Variants in SMYD3 observed in about 807,000 individuals in gnomAD.
SMYD3 encodes the protein histone-lysine N-methyltransferase SMYD3.
A neutral mutation model predicts 57.7 loss-of-function variants in SMYD3; 36 were observed. The observed-to-expected ratio is 0.62, with a 90% CI of 0.48 to 0.82. The LOEUF is 0.82. SMYD3 is among the 40% of genes least tolerant of loss of function. The pLI is 0.00. For missense variants in SMYD3, 515 were observed against 538.8 expected (o/e 0.96, Z 0.44); for synonymous variants, 211 against 195.0 (o/e 1.08, Z -0.68).
chr1:246,420,657 T>G (rs893691389), intron 1 of SMYD3, among the ~76,000 whole-genome samples: 6 of 152,268 alleles, frequency 3.9e-5, no homozygotes, highest in Non-Finnish European at 7.3e-5. Context: ...CAAAAATATC[T>G]GATCTTTGGC....
chr1:246,177,114 A>C (rs922876706), intron 5 of SMYD3, among the ~76,000 whole-genome samples: 2 of 152,226 alleles, frequency 1.3e-5, no homozygotes, highest in Admixed American at 1.3e-4. Flanking sequence ...AATCTTTTCA[A>C]AACACAAGAG....
intron 10 of SMYD3, among the ~76,000 whole-genome samples, chr1:245,833,804 G>A (rs900435596): frequency 6.6e-6 from 1 of 152,198 alleles, no homozygotes; most frequent in Non-Finnish European, 1.5e-5. Context: ...AGGGCCGGGA[G>A]CTCATTGGCG....
intron 5 of SMYD3, among the ~76,000 whole-genome samples, chr1:246,044,422 G>A (rs1279945237): frequency 1.3e-5 from 2 of 152,176 alleles, no homozygotes; most frequent in Non-Finnish European, 2.9e-5. Flanking sequence ...AGAGAAATGT[G>A]CACAAACTGG....
At chr1:245,950,120 A>T (rs2057576464) in intron 5 of SMYD3, among the ~76,000 whole-genome samples, 1 of 152,198 alleles carries the variant, frequency 6.6e-6, no homozygotes, top group Non-Finnish European at 1.5e-5. Context: ...TAAGAAATAC[A>T]TTAATTCTCC....
At chr1:246,000,457 C>T (rs1385179830) in intron 5 of SMYD3, among the ~76,000 whole-genome samples, 1 of 152,178 alleles carries the variant, frequency 6.6e-6, no homozygotes, top group East Asian at 1.9e-4. Context: ...GTAGAAAGGG[C>T]TGTGGTCTGC....
At chr1:246,145,458 T>C (rs1472096483) in intron 5 of SMYD3, among the ~76,000 whole-genome samples, 1 of 152,226 alleles carries the variant, frequency 6.6e-6, no homozygotes, top group East Asian at 1.9e-4. Flanking sequence ...AAAGGCAATA[T>C]AGGCATCTGA....
At chr1:246,346,106 C>A (rs1171509514) in intron 2 of SMYD3, among the ~76,000 whole-genome samples, 2 of 152,026 alleles carry the variant, frequency 1.3e-5, no homozygotes, top group Admixed American at 6.6e-5. Context: ...AACACGGTAA[C>A]ACCCCATCTC....
At chr1:246,067,694 G>A (rs1029674560) in intron 5 of SMYD3, among the ~76,000 whole-genome samples, 2 of 152,126 alleles carry the variant, frequency 1.3e-5, no homozygotes, top group African/African-American at 2.4e-5. Flanking sequence ...CGTGAATCTA[G>A]CATGCAAGAT....
chr1:245,813,339 T>C lies in SMYD3; in HGVS notation c.1076+45157A>G, dbSNP rs535753251. On this transcript the variant is annotated intron_variant, in intron 10 of 11. Transcript: ENST00000490107. Reference sequence around the variant, plus strand: ...AGACAGCTTCTTTCATTTGAAAATGTTCTCTTAGATAAAATGTATAAGGGT... The same window carrying C: ...AGACAGCTTCTTTCATTTGAAAATGCTCTCTTAGATAAAATGTATAAGGGT... 1.1e-4 allele frequency among the ~76,000 whole-genome samples: 17 copies of C among 152,206 alleles called. No homozygotes were observed. In the East Asian group the frequency reaches 3.1e-3, roughly 28 times the overall value.
At chr1:246,018,332 G>A (rs754360567) in intron 5 of SMYD3, among the ~76,000 whole-genome samples, 1 of 152,058 alleles carries the variant, frequency 6.6e-6, no homozygotes, top group Non-Finnish European at 1.5e-5. Flanking sequence ...AGGTTTCCAC[G>A]TGAATGCTCT....
At chr1:246,000,055 C>A (rs1462377645) in intron 5 of SMYD3, among the ~76,000 whole-genome samples, 4 of 152,234 alleles carry the variant, frequency 2.6e-5, no homozygotes, top group Non-Finnish European at 4.4e-5. Flanking sequence ...CTGTTCTTGA[C>A]TCCTAGTTTA....
At chr1:245,872,435 G>A (rs61830209) in intron 8 of SMYD3, among the ~76,000 whole-genome samples, 7 of 128,324 alleles carry the variant, frequency 5.5e-5, no homozygotes, top group Admixed American at 4.8e-4. Flanking sequence ...AGTTCCTGCC[G>A]CCTTCTCCTT....
chr1:246,304,168 TTAAA>T (rs1177070642), intron 5 of SMYD3, among the ~76,000 whole-genome samples: 3 of 152,212 alleles, frequency 2.0e-5, no homozygotes, highest in African/African-American at 4.8e-5. Context: ...TGTGATAGTA[TTAAA>T]TAAAGATACT....
At chr1:245,906,570 G>C (rs774053555) in intron 8 of SMYD3, among the ~76,000 whole-genome samples, 2 of 152,148 alleles carry the variant, frequency 1.3e-5, no homozygotes, top group African/African-American at 4.8e-5. Context: ...AACCACTATG[G>C]AGAACTGTTT....
At chr1:246,122,727 A>G (rs1328732505) in intron 5 of SMYD3, among the ~76,000 whole-genome samples, 1 of 152,230 alleles carries the variant, frequency 6.6e-6, no homozygotes, top group East Asian at 1.9e-4. Flanking sequence ...ACCAAATGTA[A>G]GATGACATTG....
At chr1:245,870,680 C>A (rs1383219450) in intron 8 of SMYD3, among the ~76,000 whole-genome samples, 1 of 152,242 alleles carries the variant, frequency 6.6e-6, no homozygotes, top group Non-Finnish European at 1.5e-5. Flanking sequence ...TGGCCAAACG[C>A]TTCCTTTGGG....
At chr1:245,903,018 T>C (rs550072179) in intron 8 of SMYD3, among the ~76,000 whole-genome samples, 4 of 152,240 alleles carry the variant, frequency 2.6e-5, no homozygotes, top group African/African-American at 7.2e-5. Flanking sequence ...TATGATATGC[T>C]TGAAACGAAA....
At chr1:246,255,732 C>T (rs1191382836) in intron 5 of SMYD3, among the ~76,000 whole-genome samples, 2 of 148,566 alleles carry the variant, frequency 1.3e-5, no homozygotes, top group Non-Finnish European at 3.0e-5. Context: ...TTGTACAATA[C>T]ATCTGGCAGA....
intron 5 of SMYD3, among the ~76,000 whole-genome samples, chr1:245,951,860 C>T (rs2057664997): frequency 6.6e-6 from 1 of 152,140 alleles, no homozygotes; most frequent in South Asian, 2.1e-4. Context: ...TAAAATTCCA[C>T]ATGATCCTTT....
Sources: allele counts gnomAD v4.1 joint callset (sites outside exome capture counted in the v4.1 genomes callset), GRCh38; gene constraint gnomAD v4.1.1; transcripts MANE v1.5; gene names NCBI Gene and HGNC (gene_info 2026-07-23, HGNC 2026-07-21).